EXOC3L2: variants seen among roughly 807,000 people sequenced by gnomAD.
EXOC3L2 encodes the protein exocyst complex component 3 like 2.
EXOC3L2 carries 17 observed loss-of-function variants against 44.4 expected under a neutral mutation model. The observed-to-expected ratio is 0.38, with a 90% confidence interval of 0.26 to 0.57. The LOEUF is 0.57. Among genes scored for constraint, EXOC3L2 ranks in the 20% least tolerant of loss-of-function variants. EXOC3L2 has a pLI of 0.65. For synonymous variants in EXOC3L2, 256 were observed against 253.7 expected (o/e 1.01, Z -0.09); for missense variants, 541 against 588.4 (o/e 0.92, Z 0.83).
intron 3 of EXOC3L2, among the ~76,000 whole-genome samples, chr19:45,233,019 C>T (rs533094512): frequency 1.6e-4 from 25 of 152,130 alleles, no homozygotes; most frequent in Non-Finnish European, 2.6e-4. Context: ...AGTTCAAGAC[C>T]AGCCTGGCCA....
At chr19:45,244,904 G>T (rs980572604) in intron 1 of EXOC3L2, among the ~76,000 whole-genome samples, 7 of 151,374 alleles carry the variant, frequency 4.6e-5, no homozygotes, top group African/African-American at 1.7e-4. Flanking sequence ...ACCTGATCTC[G>T]GTCTCTCCTG....
intron 8 of EXOC3L2, among the ~76,000 whole-genome samples, chr19:45,221,954 C>T (rs1335750514): frequency 1.3e-5 from 2 of 150,326 alleles, no homozygotes; most frequent in Non-Finnish European, 3.0e-5. Flanking sequence ...CCGGCCAGCT[C>T]TGTTTTCTGA....
rs1229083780 is a variant in EXOC3L2 at position 45,228,058 on chromosome 19, G to C, written c.1388C>G (p.Thr463Arg). 6.2e-7 allele frequency: 1 copy of C among 1,614,126 alleles called. No individual in the cohort carries two copies. The highest frequency in any genetic ancestry group is 1.7e-4 in the Middle Eastern group (1 of 6,060). ...CTGGCTGATGCGGGGTGCTCGCTCT[G>C]TGTGCTCTTCCAGCAGCTGTGAGGT... ...QDVCELLEEH[T>R]ERAPRISQEF... is the part of the protein sequence containing the mutation. The change falls in exon 6 of 12, where the codon ACA becomes AGA. Residue 463 changes from threonine (T) to arginine (R), a missense_variant. Physicochemically the swap from Thr to Arg is moderately conservative, Grantham distance 71. Coordinates refer to ENST00000413988, the MANE Select transcript of EXOC3L2 (RefSeq NM_001382422.1).
At chr19:45,215,759 TCCCTGAGTCCCCTGCGGCTC>T (rs1969825972) in intron 11 of EXOC3L2, among the ~76,000 whole-genome samples, 1 of 152,124 alleles carries the variant, frequency 6.6e-6, no homozygotes, top group Non-Finnish European at 1.5e-5. Context: ...GCCCTGCGTG[TCCCTGAGTCCCCTGCGGCTC>T]CCCTGCGGGC....
intron 1 of EXOC3L2, among the ~76,000 whole-genome samples, chr19:45,240,594 A>G (rs1047057425): frequency 6.6e-6 from 1 of 152,116 alleles, no homozygotes; most frequent in Non-Finnish European, 1.5e-5. Context: ...ACTTAATTGT[A>G]TGCTTTTAAA....
chr19:45,240,253 TACC>T (rs1042908630), intron 1 of EXOC3L2, among the ~76,000 whole-genome samples: 12 of 151,770 alleles, frequency 7.9e-5, no homozygotes, highest in South Asian at 2.1e-4. Context: ...TACAGGTGTG[TACC>T]ACCATGCCCA....
At chr19:45,219,413 A>AAAAAAAAAAAG (rs1404154051) in intron 8 of EXOC3L2, among the ~76,000 whole-genome samples, 2 of 150,670 alleles carry the variant, frequency 1.3e-5, no homozygotes, top group Non-Finnish European at 3.0e-5. Flanking sequence ...AAAAAAAAAA[A>AAAAAAAAAAAG]AGAGAAAAAG....
chr19:45,221,080 G>A (rs1969891846), intron 8 of EXOC3L2, among the ~76,000 whole-genome samples: 1 of 152,030 alleles, frequency 6.6e-6, no homozygotes, highest in Non-Finnish European at 1.5e-5. Flanking sequence ...GGTAGACACA[G>A]GGCATGTGAA....
chr19:45,226,724 C>A (rs1310501910), intron 7 of EXOC3L2, among the ~76,000 whole-genome samples: 2 of 147,564 alleles, frequency 1.4e-5, no homozygotes, highest in African/African-American at 5.1e-5. Flanking sequence ...GTGTGAGCCA[C>A]TGTGCCCAGC....
Position 45,228,025 on chromosome 19 carries a change from C to T in EXOC3L2, c.1421G>A (p.Gly474Glu). 6.2e-7 allele frequency: 1 copy of T among 1,614,074 alleles called. No individual in the cohort carries two copies. The highest frequency in any genetic ancestry group is 1.1e-5 in the South Asian group (1 of 91,082). Residue 474 changes from glycine to glutamate, a missense_variant, in exon 6 of 12, where the codon GGG becomes GAG. Coordinates refer to ENST00000413988, the MANE Select transcript of EXOC3L2 (RefSeq NM_001382422.1). Reference protein sequence around the residue: ...ERAPRISQEFGERMAHCCLGG... With the variant: ...ERAPRISQEFEERMAHCCLGG... ...TAGGCAGCAGTGGGCCATCCGCTCC[C>T]CAAACTCCTGGCTGATGCGGGGTGC...
At position 45,228,172 on chromosome 19, in the gene EXOC3L2, A is replaced by G; in HGVS notation, c.1364T>C (p.Val455Ala). Residue 455 changes from valine to alanine, a missense_variant, in exon 5 of 12, where the codon GTG (valine) becomes GCG (alanine). Coordinates refer to ENST00000413988, the MANE Select transcript of EXOC3L2 (RefSeq NM_001382422.1). ...EDQPSSLAQD[V>A]CELLEEHTER... Reference sequence around the variant, plus strand: ...CCTCCCTCCACCTCCTACCTCACACACATCCTGGGCCAGGCTGCTGGGCTG... The same window carrying G: ...CCTCCCTCCACCTCCTACCTCACACGCATCCTGGGCCAGGCTGCTGGGCTG... The G allele has an allele frequency of 6.2e-7, 1 of 1,613,966 alleles. No homozygotes were observed. The highest frequency in any genetic ancestry group is 8.5e-7 in the Non-Finnish European group (1 of 1,179,972).
At chr19:45,235,376 G>A (rs1022533335) in intron 2 of EXOC3L2, among the ~76,000 whole-genome samples, 4 of 152,130 alleles carry the variant, frequency 2.6e-5, no homozygotes, top group Non-Finnish European at 5.9e-5. Flanking sequence ...GGAGGTTGCA[G>A]GGCGGAAAAA....
chr19:45,219,737 C>T (rs1969877478), intron 8 of EXOC3L2, among the ~76,000 whole-genome samples: 1 of 152,146 alleles, frequency 6.6e-6, no homozygotes, highest in Non-Finnish European at 1.5e-5. Flanking sequence ...ATGTGTTTGC[C>T]ATTTGCTGAT....
rs56175442 is a variant in EXOC3L2 at position 45,242,861 on chromosome 19, CAA to C, written c.-17+2478_-17+2479del. 3.6e-3 allele frequency among the ~76,000 whole-genome samples: 307 copies of C among 85,574 alleles called. 1 individual carries two copies. Among genetic ancestry groups the C allele is most frequent in the African/African-American group, 0.012 (260 of 21,028 alleles). The allele number at this position is 85,574 out of a possible 152,430, so 56.1% of individuals were successfully genotyped here. A position where few individuals can be genotyped will look rare whatever the true frequency, so the allele number is the denominator to read the frequency against. ...TAGGCAACAGAGCGAAACTCCATCTCAAAAAAAAAAAAAAAAAAAAAGAATTA... is the reference window on the plus strand; with the variant it reads ...TAGGCAACAGAGCGAAACTCCATCTCAAAAAAAAAAAAAAAAAAAGAATTA... On this transcript the variant is annotated intron_variant, in intron 1 of 11. Transcript: ENST00000413988.
rs1970105036 is a variant in EXOC3L2, at chr19:45,238,737, A to C, written c.309T>G (p.Asp103Glu). The change falls in exon 2 of 12, where the codon GAT (aspartate) becomes GAG (glutamate). Residue 103 changes from aspartate (D) to glutamate (E), a missense_variant. Asp to Glu is a conservative substitution (Grantham distance 45). Coordinates refer to ENST00000413988, the MANE Select transcript of EXOC3L2 (RefSeq NM_001382422.1). This position sits in a 1 kb window ranked among gnomAD's most constrained non-coding sequence, Gnocchi z 5.5. ...LVPGIRRSSA[D>E]FGLLARLHGT... ...CATGCAGCCGGGCCAGGAGGCCAAA[A>C]TCTGCTGAGCTCCTGCGTATCCCTG... The C allele has an allele frequency of 2.5e-6, 1 of 398,762 alleles. No individual in the cohort carries two copies. The highest frequency in any genetic ancestry group is 4.4e-6 in the Non-Finnish European group (1 of 225,938). 24.7% of individuals were successfully genotyped at this position (398,762 alleles called of 1,614,324 possible). A position where few individuals can be genotyped will look rare whatever the true frequency, so the allele number is the denominator to read the frequency against.
At chr19:45,213,750 G>C (rs1969804128) in intron 11 of EXOC3L2, among the ~76,000 whole-genome samples, 2 of 151,524 alleles carry the variant, frequency 1.3e-5, no homozygotes, top group African/African-American at 4.8e-5. Context: ...TTCGAGACCA[G>C]CCTGGCCAAC....
intron 1 of EXOC3L2, among the ~76,000 whole-genome samples, chr19:45,241,728 G>A (rs1970133473): frequency 6.6e-6 from 1 of 152,088 alleles, no homozygotes; most frequent in South Asian, 2.1e-4. Context: ...AGGACTTCAG[G>A]ACTCACACTT....
chr19:45,236,242 G>A (rs533178016), intron 2 of EXOC3L2, among the ~76,000 whole-genome samples: 1 of 151,976 alleles, frequency 6.6e-6, no homozygotes, highest in Non-Finnish European at 1.5e-5. Context: ...AAGGTGGGCG[G>A]ATCACCTGAG....
At chr19:45,214,590 G>A (rs1335664338) in intron 11 of EXOC3L2, among the ~76,000 whole-genome samples, 5 of 151,858 alleles carry the variant, frequency 3.3e-5, no homozygotes, top group Admixed American at 2.0e-4. Context: ...TCAGCCTCCC[G>A]AGTAGCTGGG....
Sources: gnomAD v4.1 joint callset for allele counts (sites outside exome capture counted in the v4.1 genomes callset) on GRCh38, gnomAD v4.1.1 for gene constraint, Gnocchi (gnomAD v3.1) non-coding constraint, MANE v1.5 for transcripts, NCBI Gene and HGNC (gene_info 2026-07-23, HGNC 2026-07-21) for gene names.